CFAP263: variants seen among roughly 807,000 people sequenced by gnomAD.
CFAP263 encodes the protein cilia and flagella associated protein 263.
the CFAP263 span, chr16:58,278,577 C>T: frequency 7.4e-6 from 12 of 1,614,060 alleles, no homozygotes; most frequent in African/African-American, 1.2e-4. Context: ...GGGAGAAGAT[C>T]TTAAATGCGG....
the CFAP263 span, chr16:58,278,540 G>C: frequency 8.7e-6 from 14 of 1,614,148 alleles, no homozygotes; most frequent in Non-Finnish European, 1.2e-5. Context: ...GCCGAGTTCC[G>C]GGCACCACAG....
the CFAP263 span, among the ~76,000 whole-genome samples, chr16:58,268,396 G>A: frequency 6.6e-6 from 1 of 152,204 alleles, no homozygotes; most frequent in African/African-American, 2.4e-5. Flanking sequence ...CATCAGGTTT[G>A]GTGCTGCCAA....
At chr16:58,252,539 G>A in the CFAP263 span, among the ~76,000 whole-genome samples, 2 of 152,090 alleles carry the variant, frequency 1.3e-5, no homozygotes, top group African/African-American at 4.8e-5. Flanking sequence ...CAGGCACTGT[G>A]CCAGAGGCTT....
At chr16:58,271,876 A>G in the CFAP263 span, among the ~76,000 whole-genome samples, 4 of 152,298 alleles carry the variant, frequency 2.6e-5, no homozygotes, top group African/African-American at 9.6e-5. Flanking sequence ...GAAGGAAGTC[A>G]CTATGTACAG....
chr16:58,258,122 AAAAAAGAT>A, the CFAP263 span, among the ~76,000 whole-genome samples: 1 of 152,062 alleles, frequency 6.6e-6, no homozygotes, highest in Non-Finnish European at 1.5e-5. Context: ...AAAAAAAAAA[AAAAAAGAT>A]AGATACCTGA....
the CFAP263 span, among the ~76,000 whole-genome samples, chr16:58,254,808 C>T: frequency 5.8e-3 from 881 of 152,016 alleles, 4 homozygotes; most frequent in South Asian, 8.1e-3. Flanking sequence ...AGGTTTTCAC[C>T]GTATTAGCCA....
At chr16:58,264,620 G>C in the CFAP263 span, among the ~76,000 whole-genome samples, 3 of 152,150 alleles carry the variant, frequency 2.0e-5, no homozygotes, top group African/African-American at 7.2e-5. Context: ...ATGGTGCTCT[G>C]TCTAGTAAGT....
chr16:58,258,107 CAAA>C, the CFAP263 span, among the ~76,000 whole-genome samples: 219 of 82,308 alleles, frequency 2.7e-3, 1 homozygote, highest in African/African-American at 9.3e-3. Context: ...GACTCTGTCT[CAAA>C]AAAAAAAAAA....
At chr16:58,257,865 T>G in the CFAP263 span, among the ~76,000 whole-genome samples, 2 of 151,962 alleles carry the variant, frequency 1.3e-5, no homozygotes, top group Admixed American at 1.3e-4. Context: ...CCCAGCACTT[T>G]GGGAGGCCGA....
chr16:58,262,032 C>T, the CFAP263 span, among the ~76,000 whole-genome samples: 4 of 152,148 alleles, frequency 2.6e-5, no homozygotes, highest in Admixed American at 2.0e-4. Flanking sequence ...CTGTGCGTGA[C>T]TCGGTCTTTC....
chr16:58,268,453 TCTGTGAAATAGATCTA>T, the CFAP263 span, among the ~76,000 whole-genome samples: 1 of 152,210 alleles, frequency 6.6e-6, no homozygotes, highest in Non-Finnish European at 1.5e-5. Flanking sequence ...TGTTTCCACA[TCTGTGAAATAGATCTA>T]CTGCCCTTGT....
the CFAP263 span, chr16:58,258,489 T>C: frequency 6.2e-7 from 1 of 1,613,956 alleles, no homozygotes; most frequent in Non-Finnish European, 8.5e-7. Context: ...ACTCAGAAAG[T>C]GATGAAATAC....
the CFAP263 span, chr16:58,253,942 G>A: frequency 3.8e-6 from 6 of 1,599,158 alleles, no homozygotes; most frequent in Middle Eastern, 3.3e-4. Context: ...GCCTATCTTG[G>A]GCTGGTTCAT....
chr16:58,280,113 C>G, the CFAP263 span: 1 of 1,112,506 alleles, frequency 9.0e-7, no homozygotes, highest in Non-Finnish European at 1.3e-6. Flanking sequence ...TGGGCTTATC[C>G]GTGGCAGCCC....
the CFAP263 span, among the ~76,000 whole-genome samples, chr16:58,273,887 C>G: frequency 6.6e-6 from 1 of 152,118 alleles, no homozygotes; most frequent in Non-Finnish European, 1.5e-5. Flanking sequence ...AGATCTGTTC[C>G]CCTGCTGTTA....
chr16:58,268,120 G>GC, the CFAP263 span, among the ~76,000 whole-genome samples: 1 of 151,978 alleles, frequency 6.6e-6, no homozygotes, highest in Non-Finnish European at 1.5e-5. Context: ...ATCCTGAGTG[G>GC]CCTGCAGCAG....
chr16:58,264,684 T>C, the CFAP263 span, among the ~76,000 whole-genome samples: 1 of 152,144 alleles, frequency 6.6e-6, no homozygotes, highest in African/African-American at 2.4e-5. Flanking sequence ...GCTTAGCCAA[T>C]ATTGTCGAAT....
At chr16:58,266,000 G>A in the CFAP263 span, among the ~76,000 whole-genome samples, 1 of 152,040 alleles carries the variant, frequency 6.6e-6, no homozygotes, top group Non-Finnish European at 1.5e-5. Flanking sequence ...CCATCTCCCC[G>A]GCCCCACGTC....
the CFAP263 span, chr16:58,279,960 G>A: frequency 3.2e-6 from 2 of 623,632 alleles, no homozygotes; most frequent in Non-Finnish European, 5.5e-6. Flanking sequence ...CTGGCCCCTG[G>A]AACTGTTACC....
Sources: allele counts gnomAD v4.1 joint callset (sites outside exome capture counted in the v4.1 genomes callset), GRCh38; gene constraint gnomAD v4.1.1; transcripts MANE v1.5; gene names NCBI Gene and HGNC (gene_info 2026-07-23, HGNC 2026-07-21).